Variants in PRELID2 observed in about 807,000 individuals in gnomAD.
The protein encoded by PRELID2 is PRELI domain containing 2, also known as PRELI domain-containing protein 2.
In PRELID2, 25 loss-of-function variants were observed where a neutral mutation model predicts 28.4. That is an observed-to-expected ratio of 0.88 (90% confidence interval 0.64 to 1.23). PRELID2 has a LOEUF of 1.23. Ranked by LOEUF, PRELID2 falls within the 50% of genes most tolerant of loss-of-function variation. PRELID2 has a pLI of 0.00. For missense variants in PRELID2, 201 were observed against 214.4 expected, an observed-to-expected ratio of 0.94 and a Z score of 0.39; for synonymous variants, 76 against 71.6, an observed-to-expected ratio of 1.06 and a Z score of -0.31.
the PRELID2 span, among the ~76,000 whole-genome samples, chr5:145,306,512 G>A: frequency 2.0e-5 from 3 of 151,764 alleles, no homozygotes; most frequent in Non-Finnish European, 4.4e-5. Flanking sequence ...TTACTTAAAA[G>A]AAAAACATTT....
intron 1 of PRELID2, among the ~76,000 whole-genome samples, chr5:145,496,112 GAA>G (rs948487533): frequency 6.6e-6 from 1 of 152,214 alleles, no homozygotes; most frequent in Admixed American, 6.5e-5. Context: ...TTAGAAGCAT[GAA>G]AAAAGACAGA....
chr5:145,373,324 A>G, the PRELID2 span, among the ~76,000 whole-genome samples: 7 of 103,258 alleles, frequency 6.8e-5, no homozygotes, highest in African/African-American at 2.6e-4. Context: ...TACAACATAT[A>G]TAATATACGA....
chr5:145,496,694 T>C (rs144547007), intron 1 of PRELID2, among the ~76,000 whole-genome samples: 24 of 152,116 alleles, frequency 1.6e-4, no homozygotes, highest in Non-Finnish European at 3.1e-4. Context: ...TGAACTGTGC[T>C]ATGGTCTGAG....
chr5:145,795,651 T>C (rs2149816219), intron 5 of PRELID2: 1 of 152,162 alleles, frequency 6.6e-6, no homozygotes, highest in East Asian at 1.9e-4. Flanking sequence ...AATCTGGAAA[T>C]AAATGAGTAT....
At chr5:145,572,557 A>G (rs1038080736) in intron 1 of PRELID2, among the ~76,000 whole-genome samples, 2 of 152,308 alleles carry the variant, frequency 1.3e-5, no homozygotes, top group African/African-American at 4.8e-5. Flanking sequence ...AGTTATGAGA[A>G]GATGACATTT....
At chr5:145,831,700 T>G (rs1455550942) in intron 1 of PRELID2, among the ~76,000 whole-genome samples, 1 of 152,238 alleles carries the variant, frequency 6.6e-6, no homozygotes, top group African/African-American at 2.4e-5. Context: ...GTCCCATCAC[T>G]AGACCTTTAG....
chr5:145,611,836 T>C (rs1477740945), intron 1 of PRELID2, among the ~76,000 whole-genome samples: 2 of 152,134 alleles, frequency 1.3e-5, no homozygotes, highest in East Asian at 3.9e-4. Flanking sequence ...AGGCCAAAAA[T>C]AGCCAAAACA....
the PRELID2 span, among the ~76,000 whole-genome samples, chr5:145,291,658 T>TA: frequency 6.6e-6 from 1 of 152,188 alleles, no homozygotes; most frequent in African/African-American, 2.4e-5. Context: ...TTTCTTTTCT[T>TA]TAAAGGATTA....
chr5:145,254,843 C>A, the PRELID2 span, among the ~76,000 whole-genome samples: 16 of 150,606 alleles, frequency 1.1e-4, no homozygotes, highest in African/African-American at 3.9e-4. Flanking sequence ...GTGCATAGGT[C>A]TTGTTAAAGT....
At chr5:145,746,136 T>C (rs555888154) in intron 1 of PRELID2, among the ~76,000 whole-genome samples, 8 of 152,256 alleles carry the variant, frequency 5.3e-5, no homozygotes, top group African/African-American at 1.7e-4. Flanking sequence ...GCTAGCATCA[T>C]GATGACCAGA....
At chr5:145,695,738 T>G (rs1755247023) in intron 1 of PRELID2, among the ~76,000 whole-genome samples, 2 of 152,112 alleles carry the variant, frequency 1.3e-5, no homozygotes, top group African/African-American at 4.8e-5. Context: ...CACAGGACCC[T>G]CACAACATGG....
At chr5:145,231,611 G>C in the PRELID2 span, among the ~76,000 whole-genome samples, 4 of 152,292 alleles carry the variant, frequency 2.6e-5, no homozygotes, top group Admixed American at 2.6e-4. Context: ...CACTAGAATT[G>C]AGTCTGAAGT....
At chr5:145,405,149 C>T in the PRELID2 span, among the ~76,000 whole-genome samples, 3 of 152,258 alleles carry the variant, frequency 2.0e-5, no homozygotes, top group East Asian at 3.9e-4. Context: ...AGGGGGGTAT[C>T]TTTGCTATTG....
chr5:145,709,529 T>A (rs1359941763), intron 1 of PRELID2, among the ~76,000 whole-genome samples: 1 of 151,504 alleles, frequency 6.6e-6, no homozygotes, highest in Non-Finnish European at 1.5e-5. Context: ...TCAGGTGGAA[T>A]GAACATTCTG....
At chr5:145,792,818 T>A (rs1752484146) in intron 5 of PRELID2, among the ~76,000 whole-genome samples, 1 of 152,212 alleles carries the variant, frequency 6.6e-6, no homozygotes, top group South Asian at 2.1e-4. Context: ...ACATATTTTG[T>A]ATATTTGACC....
At chr5:145,773,868 G>A (rs562444964) in intron 5 of PRELID2, among the ~76,000 whole-genome samples, 2 of 152,188 alleles carry the variant, frequency 1.3e-5, no homozygotes, top group African/African-American at 2.4e-5. Context: ...CAGAATAAAT[G>A]AATCCAATTG....
chr5:145,700,106 G>A (rs1319132151), intron 1 of PRELID2, among the ~76,000 whole-genome samples: 1 of 152,036 alleles, frequency 6.6e-6, no homozygotes, highest in Non-Finnish European at 1.5e-5. Context: ...GGAGTGGAGT[G>A]ATGTAACCTC....
intron 1 of PRELID2, among the ~76,000 whole-genome samples, chr5:145,689,133 G>C (rs1282503452): frequency 6.6e-6 from 1 of 152,130 alleles, no homozygotes; most frequent in Non-Finnish European, 1.5e-5. Context: ...GGCCGCTGGA[G>C]AGATCAAGCC....
Position 145,716,088 on chromosome 5 carries a change from A to G in PRELID2, n.70+48843T>C, listed in dbSNP as rs146179397. Among the ~76,000 whole-genome samples the G allele has an allele frequency of 4.6e-3, 703 of 152,220 alleles. 2 individuals are homozygous for G. Among genetic ancestry groups the G allele is most frequent in the Non-Finnish European group, 7.5e-3 (513 of 68,010 alleles). ...TTTTAGCTCATCAGCTATTGGTAGT[A>G]TTAATGTACTTTATATGTAGCCCAA... On this transcript the variant is annotated intron_variant and non_coding_transcript_variant, in intron 1 of 2. Transcript: ENST00000510259.
Sources: allele counts gnomAD v4.1 joint callset (sites outside exome capture counted in the v4.1 genomes callset), GRCh38; gene constraint gnomAD v4.1.1; transcripts MANE v1.5; gene names NCBI Gene and HGNC (gene_info 2026-07-23, HGNC 2026-07-21).